Variants in TBPL1 observed in about 807,000 individuals in gnomAD.
The protein encoded by TBPL1 is TATA box-binding protein-like 1.
A neutral mutation model predicts 22.1 loss-of-function variants in TBPL1; 4 were observed. The observed-to-expected ratio is 0.18, with a 90% CI of 0.09 to 0.41. The LOEUF is 0.41. Ranked by LOEUF, TBPL1 falls within the 10% of genes least tolerant of loss-of-function variation. The probability of loss-of-function intolerance (pLI) is 1.00; values close to 1 mark genes in which losing one functional copy is unlikely to be tolerated. For synonymous variants in TBPL1, 64 were observed against 71.0 expected, an observed-to-expected ratio of 0.90 and a Z score of 0.50; for missense variants, 115 against 222.3, an observed-to-expected ratio of 0.52 and a Z score of 3.07.
chr6:133,971,136 G>A (rs879454842), intron 1 of TBPL1, among the ~76,000 whole-genome samples: 5 of 151,124 alleles, frequency 3.3e-5, no homozygotes, highest in Non-Finnish European at 7.4e-5. Flanking sequence ...TTTCTGCTTC[G>A]ATGATAACAC....
chr6:133,985,300 ATATATATATAT>A lies in TBPL1; in HGVS notation c.481+630_481+640del, dbSNP rs1562668629. On this transcript the variant is annotated intron_variant, in intron 6 of 6. Coordinates refer to ENST00000237264, the MANE Select transcript of TBPL1 (RefSeq NM_004865.4). ...CTAAAAAAAAAAAAAAAAAAAAAATATATATATATATATATATATATATATATATATATATA... is the reference window on the plus strand; with the variant it reads ...CTAAAAAAAAAAAAAAAAAAAAAATAATATATATATATATATATATATATA... Among the ~76,000 whole-genome samples, 329 of 35,708 alleles carry A rather than the reference ATATATATATAT, an allele frequency of 9.2e-3. 71 individuals carry two copies. The highest frequency in any genetic ancestry group is 0.017 in the South Asian group (15 of 878). The allele number at this position is 35,708 out of a possible 152,430, so 23.4% of individuals were successfully genotyped here. A position where few individuals can be genotyped will look rare whatever the true frequency, so the allele number is the denominator to read the frequency against.
intron 1 of TBPL1, among the ~76,000 whole-genome samples, chr6:133,961,465 C>CTTTTTTTTTT (rs61695774): frequency 1.0e-5 from 1 of 100,208 alleles, no homozygotes; most frequent in African/African-American, 3.9e-5. Flanking sequence ...TTCTTTCTTT[C>CTTTTTTTTTT]TTTTTTTTTT....
At position 133,988,313 on chromosome 6, in the gene TBPL1, A is replaced by G. The variant is rs991513774; in HGVS notation, c.*1273A>G. The G allele has an allele frequency of 3.9e-5, 6 of 152,222 alleles. No individual in the cohort carries two copies. Among genetic ancestry groups the G allele is most frequent in the Admixed American group, 3.9e-4 (6 of 15,282 alleles). The allele number at this position is 152,222 out of a possible 1,614,324, so 9.4% of individuals were successfully genotyped here. On this transcript the variant is annotated 3_prime_UTR_variant, in exon 7 of 7. Transcript: ENST00000237264. ...AGCCCTGATGTGGTAATACAGGATC[A>G]AGCTGTAGTTGTGCCCTGTCATTTA...
chr6:133,969,464 A>G lies in TBPL1; in HGVS notation c.-44-10618A>G, dbSNP rs532263175. Among the ~76,000 whole-genome samples the G allele has an allele frequency of 7.7e-3, 1,169 of 152,272 alleles. 16 individuals are homozygous for G. Among genetic ancestry groups the G allele is most frequent in the South Asian group, 0.042 (205 of 4,826 alleles). ...TGAGTCTCATAGATAGTAGGTAGTC[A>G]TATGTAATGAAGATAGTTTAACTTT... is the stretch of plus-strand genomic sequence containing the variant. On this transcript the variant is annotated intron_variant, in intron 1 of 6. Coordinates refer to ENST00000237264, the MANE Select transcript of TBPL1 (RefSeq NM_004865.4).
intron 1 of TBPL1, among the ~76,000 whole-genome samples, chr6:133,970,921 T>C (rs997375207): frequency 6.6e-6 from 1 of 152,218 alleles, no homozygotes; most frequent in East Asian, 1.9e-4. Context: ...TGTCACCTCA[T>C]GAATTTATCA....
At chr6:133,955,853 A>G (rs1047870022) in intron 1 of TBPL1, among the ~76,000 whole-genome samples, 10 of 152,348 alleles carry the variant, frequency 6.6e-5, no homozygotes, top group African/African-American at 1.9e-4. Flanking sequence ...TGAGGGAACT[A>G]CTTATAGTAA....
At chr6:133,981,844 A>C (rs1231944492) in intron 2 of TBPL1, among the ~76,000 whole-genome samples, 1 of 152,218 alleles carries the variant, frequency 6.6e-6, no homozygotes, top group Non-Finnish European at 1.5e-5. Flanking sequence ...TTAAATTTGC[A>C]TATTTTCTTG....
intron 1 of TBPL1, 147 bp from the exon 2 acceptor site, chr6:133,979,935 C>A: frequency 1.7e-6 from 1 of 591,000 alleles, no homozygotes; most frequent in Non-Finnish European, 2.5e-6. Flanking sequence ...ACATGAGCCA[C>A]TGTGCCCGGC....
intron 1 of TBPL1, among the ~76,000 whole-genome samples, chr6:133,972,334 A>G (rs1360405925): frequency 6.6e-6 from 1 of 152,238 alleles, no homozygotes; most frequent in Non-Finnish European, 1.5e-5. Flanking sequence ...AATATCTTTT[A>G]TACTGATTTG....
At chr6:133,985,124 A>G (rs1175792324) in intron 6 of TBPL1, among the ~76,000 whole-genome samples, 2 of 151,190 alleles carry the variant, frequency 1.3e-5, no homozygotes, top group Admixed American at 6.6e-5. Flanking sequence ...CTAAAAATAC[A>G]AAATATTAGC....
At chr6:133,958,412 G>A (rs540346571) in intron 1 of TBPL1, among the ~76,000 whole-genome samples, 1 of 152,094 alleles carries the variant, frequency 6.6e-6, no homozygotes, top group Non-Finnish European at 1.5e-5. Flanking sequence ...TGTAATTTTA[G>A]AAGTAGCTAA....
chr6:133,982,972 C>A, intron 4 of TBPL1, 92 bp downstream of exon 4: 1 of 1,157,956 alleles, frequency 8.6e-7, no homozygotes, highest in East Asian at 2.6e-5. Context: ...AATCACTATG[C>A]GTACTATTCT....
At position 133,980,962 on chromosome 6, in the gene TBPL1, A is replaced by ATTTTTT. The variant is rs10713725; in HGVS notation, c.135+721_135+726dup. Among the ~76,000 whole-genome samples, 29 of 97,110 alleles carry ATTTTTT rather than the reference A, an allele frequency of 3.0e-4. 1 individual carries two copies. The highest frequency in any genetic ancestry group is 8.2e-4 in the African/African-American group (20 of 24,450). The allele number at this position is 97,110 out of a possible 152,430, so 63.7% of individuals were successfully genotyped here. Reference sequence around the variant, plus strand: ...TATGTAAATTGCCATTAATTAATTAATTTTTTTTTTTTTTTTTTTTTTTTG... The same window carrying ATTTTTT: ...TATGTAAATTGCCATTAATTAATTAATTTTTTTTTTTTTTTTTTTTTTTTTTTTTTG... On this transcript the variant is annotated intron_variant, in intron 2 of 6. Transcript: ENST00000237264.
chr6:133,957,183 A>G (rs571673345), intron 1 of TBPL1, among the ~76,000 whole-genome samples: 4 of 152,348 alleles, frequency 2.6e-5, no homozygotes, highest in African/African-American at 9.6e-5. Context: ...AAAAAACTCA[A>G]TAGGGTGATT....
intron 1 of TBPL1, among the ~76,000 whole-genome samples, chr6:133,973,017 A>G (rs964597273): frequency 1.3e-5 from 2 of 152,228 alleles, no homozygotes; most frequent in African/African-American, 4.8e-5. Flanking sequence ...CTTATTTTAT[A>G]CTATCAAACA....
chr6:133,955,454 C>T (rs1337901507), intron 1 of TBPL1, among the ~76,000 whole-genome samples: 1 of 151,892 alleles, frequency 6.6e-6, no homozygotes, highest in African/African-American at 2.4e-5. Context: ...AACATGTGTC[C>T]TTCGCCTGCA....
chr6:133,969,902 A>G (rs1484804624), intron 1 of TBPL1, among the ~76,000 whole-genome samples: 1 of 152,232 alleles, frequency 6.6e-6, no homozygotes, highest in Non-Finnish European at 1.5e-5. Context: ...TAATTCCTAC[A>G]TTTGTCTAGA....
At chr6:133,952,192 C>T (rs1775842438), upstream of TBPL1, 1 of 152,278 alleles carries the variant, frequency 6.6e-6, no homozygotes, top group African/African-American at 2.4e-5. This position sits in a 1 kb window ranked among gnomAD's most constrained non-coding sequence, Gnocchi z 4.5. Context: ...ATTTTCGCTC[C>T]CGCGGGCAGC....
chr6:133,981,730 G>C (rs1776416354), intron 2 of TBPL1, among the ~76,000 whole-genome samples: 1 of 152,174 alleles, frequency 6.6e-6, no homozygotes, highest in Admixed American at 6.5e-5. Flanking sequence ...ATTTTAAGCA[G>C]AAACATCTGA....
Sources: allele counts gnomAD v4.1 joint callset (sites outside exome capture counted in the v4.1 genomes callset), GRCh38; gene constraint gnomAD v4.1.1; non-coding constraint Gnocchi (gnomAD v3.1); transcripts MANE v1.5; gene names NCBI Gene and HGNC (gene_info 2026-07-23, HGNC 2026-07-21).